Variants in DLG1 observed in about 807,000 individuals in gnomAD.
DLG1 encodes disks large homolog 1.
DLG1 carries 42 observed loss-of-function variants against 123.4 expected under a neutral mutation model. The observed-to-expected ratio is 0.34, with a 90% CI of 0.27 to 0.44. The LOEUF is 0.44. Among genes scored for constraint, DLG1 ranks in the 20% least tolerant of loss-of-function variants. The pLI is 1.00. For missense variants in DLG1, 942 were observed against 1,082.6 expected (o/e 0.87, Z 1.82); for synonymous variants, 317 against 356.2 (o/e 0.89, Z 1.24).
chr3:197,096,156 G>A (rs1045302131), intron 14 of DLG1, among the ~76,000 whole-genome samples: 1 of 152,148 alleles, frequency 6.6e-6, no homozygotes, highest in African/African-American at 2.4e-5. Flanking sequence ...ACACACTGAC[G>A]TAGATATTTA....
intron 4 of DLG1, among the ~76,000 whole-genome samples, chr3:197,216,434 A>C (rs1232587617): frequency 6.6e-6 from 1 of 152,216 alleles, no homozygotes; most frequent in Non-Finnish European, 1.5e-5. Flanking sequence ...AAAATCAGCA[A>C]AGAAAAAAGG....
chr3:197,286,213 G>C (rs773155819), intron 3 of DLG1, among the ~76,000 whole-genome samples: 2 of 152,276 alleles, frequency 1.3e-5, no homozygotes, highest in East Asian at 1.9e-4. Flanking sequence ...GAGTTTGTGT[G>C]GGGGGTGTAG....
chr3:197,152,799 G>A (rs1315433230), intron 5 of DLG1, among the ~76,000 whole-genome samples: 1 of 141,818 alleles, frequency 7.1e-6, no homozygotes, highest in Non-Finnish European at 1.5e-5. Flanking sequence ...CAAGTTTATT[G>A]GCTGGGCACA....
intron 11 of DLG1, among the ~76,000 whole-genome samples, chr3:197,129,352 C>A (rs1781365099): frequency 6.6e-6 from 1 of 152,192 alleles, no homozygotes; most frequent in Non-Finnish European, 1.5e-5. Flanking sequence ...CTGCTAGCCT[C>A]ACATTTCTCT....
At position 197,291,741 on chromosome 3, in the gene DLG1, T is replaced by C. The variant is rs112955710; in HGVS notation, c.151+4605A>G. 7.3e-3 allele frequency among the ~76,000 whole-genome samples: 1,106 copies of C among 152,330 alleles called. 13 individuals are homozygous for C. The highest frequency in any genetic ancestry group is 0.024 in the African/African-American group (998 of 41,566). ...AGCATCTGAGGGTCCAAGGGCAAGA[T>C]TGGTCATTTCTCAGTGCTTCAGTTT... On this transcript the variant is annotated intron_variant, in intron 3 of 24. Coordinates refer to ENST00000667157, the MANE Select transcript of DLG1 (RefSeq NM_001366207.1).
Position 197,257,960 on chromosome 3 carries a change from A to T in DLG1, c.318+24719T>A, listed in dbSNP as rs188900530. Among the ~76,000 whole-genome samples the T allele has an allele frequency of 2.6e-3, 401 of 152,296 alleles. 2 individuals carry two copies. Among genetic ancestry groups the T allele is most frequent in the South Asian group, 6.0e-3 (29 of 4,822 alleles). On this transcript the variant is annotated intron_variant, in intron 4 of 24. Transcript: ENST00000667157. The stretch of plus-strand genomic sequence containing the variant: ...ATGTTTGCAAAGCAGCTAGCTAAGA[A>T]CACAAGAACTTACAAACACAAAAAT...
At chr3:197,228,408 C>T (rs759891043) in intron 4 of DLG1, among the ~76,000 whole-genome samples, 6 of 152,246 alleles carry the variant, frequency 3.9e-5, no homozygotes, top group Admixed American at 6.5e-5. Flanking sequence ...GCTCTTAATA[C>T]AGTCTGCCTT....
intron 24 of DLG1, among the ~76,000 whole-genome samples, chr3:197,045,431 C>CT (rs1224576506): frequency 6.6e-6 from 1 of 152,078 alleles, no homozygotes; most frequent in Admixed American, 6.6e-5. Context: ...GAGTAACTAA[C>CT]TTTTTAAGAA....
At chr3:197,286,243 A>T (rs1220370201) in intron 3 of DLG1, among the ~76,000 whole-genome samples, 1 of 152,138 alleles carries the variant, frequency 6.6e-6, no homozygotes, top group Admixed American at 6.6e-5. Context: ...ACCGGAGAAG[A>T]AGAAGAGCAC....
At chr3:197,241,542 G>T (rs1561635389) in intron 4 of DLG1, among the ~76,000 whole-genome samples, 2 of 152,134 alleles carry the variant, frequency 1.3e-5, no homozygotes, top group East Asian at 3.9e-4. Context: ...TGTAATTGTG[G>T]TATGCAATCC....
chr3:197,053,361 T>C (rs986230162), intron 23 of DLG1, among the ~76,000 whole-genome samples: 4 of 152,238 alleles, frequency 2.6e-5, no homozygotes, highest in Admixed American at 2.0e-4. Flanking sequence ...TGTTAATTTC[T>C]CCCTCATTTT....
intron 12 of DLG1, among the ~76,000 whole-genome samples, chr3:197,116,764 G>A (rs1773528346): frequency 6.6e-6 from 1 of 152,230 alleles, no homozygotes; most frequent in East Asian, 1.9e-4. Flanking sequence ...TCAGGAAGGT[G>A]AAACCAAGAG....
intron 5 of DLG1, among the ~76,000 whole-genome samples, chr3:197,169,445 G>C (rs1379763724): frequency 6.6e-6 from 1 of 152,052 alleles, no homozygotes. Flanking sequence ...ATGTAGAGTT[G>C]GTATATCTTG....
chr3:197,218,782 T>G (rs1278463948), intron 4 of DLG1, among the ~76,000 whole-genome samples: 1 of 152,156 alleles, frequency 6.6e-6, no homozygotes, highest in East Asian at 1.9e-4. Context: ...CAACATACCT[T>G]AGACCTATAT....
chr3:197,183,816 G>A, intron 5 of DLG1: 1 of 1,546,880 alleles, frequency 6.5e-7, no homozygotes. Context: ...CATCTCTGCA[G>A]CCCTGCAGGT....
chr3:197,210,709 A>G (rs1022396574), intron 4 of DLG1, among the ~76,000 whole-genome samples: 1 of 143,632 alleles, frequency 7.0e-6, no homozygotes, highest in Non-Finnish European at 1.6e-5. Flanking sequence ...AATTCTTCCC[A>G]CTGAGAAAAC....
At chr3:197,220,113 C>G (rs1237431664) in intron 4 of DLG1, among the ~76,000 whole-genome samples, 1 of 152,110 alleles carries the variant, frequency 6.6e-6, no homozygotes, top group Non-Finnish European at 1.5e-5. Flanking sequence ...TACATAAATG[C>G]CTTACGGGCA....
intron 22 of DLG1, among the ~76,000 whole-genome samples, chr3:197,060,306 T>C (rs1323120099): frequency 1.3e-5 from 2 of 152,192 alleles, no homozygotes. Flanking sequence ...TTCCCTTTTT[T>C]TAAAATTTAA....
intron 4 of DLG1, among the ~76,000 whole-genome samples, chr3:197,213,466 T>A (rs530358523): frequency 1.3e-5 from 2 of 152,264 alleles, no homozygotes; most frequent in African/African-American, 4.8e-5. Context: ...ATACTCTGTA[T>A]CTCAACTATG....
Sources: allele counts gnomAD v4.1 joint callset (sites outside exome capture counted in the v4.1 genomes callset), GRCh38; gene constraint gnomAD v4.1.1; transcripts MANE v1.5; gene names NCBI Gene and HGNC (gene_info 2026-07-23, HGNC 2026-07-21).